MKRN1: variants seen among roughly 807,000 people sequenced by gnomAD.
The protein encoded by MKRN1 is makorin ring finger protein 1, also known as E3 ubiquitin-protein ligase makorin-1.
MKRN1 carries 9 observed loss-of-function variants against 55.5 expected under a neutral mutation model. The ratio of observed to expected loss-of-function variants is 0.16; its 90% CI spans 0.10 to 0.28. MKRN1 has a LOEUF of 0.28. MKRN1 is among the 10% of genes least tolerant of loss of function. MKRN1 has a pLI of 1.00. For synonymous variants in MKRN1, 253 were observed against 235.9 expected (o/e 1.07, Z -0.66); for missense variants, 488 against 626.7 (o/e 0.78, Z 2.36).
At chr7:140,460,122 C>G (rs1215913060) in intron 2 of MKRN1, 186 bp from the exon 3 acceptor site, 2 of 606,506 alleles carry the variant, frequency 3.3e-6, no homozygotes, top group Non-Finnish European at 5.9e-6. Flanking sequence ...GGTGGCGCAC[C>G]TGTAATCCCA....
In MKRN1 at chr7:140,453,392, T is replaced by G. The variant is rs189288235; in HGVS notation, c.*1125A>C. The G allele has an allele frequency of 5.0e-4, 76 of 152,718 alleles. No individual in the cohort carries two copies. Among genetic ancestry groups the G allele is most frequent in the African/African-American group, 1.8e-3 (73 of 41,558 alleles). 9.5% of individuals were successfully genotyped at this position (152,718 alleles called of 1,614,324 possible). ...CAATAAACACCTTAGAACAGAGTTT[T>G]GAATCACGTCTGTCTACCTGAAAGC... On this transcript the variant is annotated 3_prime_UTR_variant, in exon 8 of 8. Coordinates refer to ENST00000255977, the MANE Select transcript of MKRN1 (RefSeq NM_013446.4).
intron 1 of MKRN1, chr7:140,478,884 G>A (rs1040809206): frequency 6.9e-6 from 2 of 291,070 alleles, no homozygotes; most frequent in Non-Finnish European, 1.3e-5. Flanking sequence ...TCAGGGAAGT[G>A]TAAGCGGCGG....
Position 140,454,217 on chromosome 7 carries a change from A to T in MKRN1, c.*300T>A. On this transcript the variant is annotated 3_prime_UTR_variant, in exon 8 of 8. Coordinates refer to ENST00000255977, the MANE Select transcript of MKRN1 (RefSeq NM_013446.4). Reference sequence around the variant, plus strand: ...CAAAATGAGTGTGTGAAAAGTCCATAAATGCAATCTGGTTGAAAACAGATG... The same window carrying T: ...CAAAATGAGTGTGTGAAAAGTCCATTAATGCAATCTGGTTGAAAACAGATG... 1 of 382,304 alleles carries T rather than the reference A, an allele frequency of 2.6e-6. No individual in the cohort carries two copies. Among genetic ancestry groups the T allele is most frequent in the Non-Finnish European group, 5.0e-6 (1 of 201,082 alleles). The allele number at this position is 382,304 out of a possible 1,614,324, so 23.7% of individuals were successfully genotyped here. A position where few individuals can be genotyped will look rare whatever the true frequency, so the allele number is the denominator to read the frequency against.
intron 6 of MKRN1, chr7:140,455,447 T>TA: frequency 1.7e-6 from 1 of 603,318 alleles, no homozygotes; most frequent in Non-Finnish European, 2.9e-6. Context: ...TTAATAGCTC[T>TA]AGTACAAGCA....
Position 140,454,642 on chromosome 7 carries a change from A to C in MKRN1, c.1324T>G (p.Phe442Val), listed in dbSNP as rs1794416075. The change falls in exon 8 of 8, where the codon TTT becomes GTT. Residue 442 changes from phenylalanine to valine, a missense_variant. By Grantham distance (50) the Phe-to-Val change is conservative (BLOSUM62 -1). This residue lies in a region of MKRN1 where 278 missense variants were observed against 406.7 expected (regional missense o/e 0.68). Transcript: ENST00000255977. ...ATAAGCAACATCTCGCCCAGCTCAAAGGTGACAACCTCTTCTTCATCGTTG... is the reference window on the plus strand; with the variant it reads ...ATAAGCAACATCTCGCCCAGCTCAACGGTGACAACCTCTTCTTCATCGTTG... ...FDNDEEEVVT[F>V]ELGEMLLMLL... 6.2e-7 allele frequency: 1 copy of C among 1,613,860 alleles called. No homozygotes were observed. Among genetic ancestry groups the C allele is most frequent in the Admixed American group, 1.7e-5 (1 of 59,988 alleles).
intron 1 of MKRN1, among the ~76,000 whole-genome samples, chr7:140,474,065 G>GAAAGAAAA (rs1048242237): frequency 1.5e-4 from 21 of 139,360 alleles, no homozygotes; most frequent in Non-Finnish European, 2.6e-4. Flanking sequence ...AAGAAAGAAA[G>GAAAGAAAA]AATAAAAGAC....
At chr7:140,474,445 G>T in intron 1 of MKRN1, 1 of 356,676 alleles carries the variant, frequency 2.8e-6, no homozygotes, top group Non-Finnish European at 5.8e-6. Context: ...GTTGGGGGGG[G>T]CCCAGAGGTT....
In MKRN1 at chr7:140,469,186, C is replaced by T. The variant is rs966829206; in HGVS notation, c.314+2697G>A. ...CTAAAAATACAAAAAATTAGCCAGG[C>T]GTGGTGGCGGGCGCCTGTAGTCCCA... On this transcript the variant is annotated intron_variant, in intron 2 of 7. Coordinates refer to ENST00000255977, the MANE Select transcript of MKRN1 (RefSeq NM_013446.4). Among the ~76,000 whole-genome samples the T allele has an allele frequency of 1.6e-4, 24 of 151,980 alleles. 1 individual carries two copies. Among genetic ancestry groups the T allele is most frequent in the African/African-American group, 5.1e-4 (21 of 41,462 alleles).
intron 1 of MKRN1, among the ~76,000 whole-genome samples, chr7:140,472,722 C>T (rs2130348966): frequency 6.6e-6 from 1 of 151,314 alleles, no homozygotes; most frequent in South Asian, 2.1e-4. Context: ...ACTATTTTGA[C>T]ATTCCAGCCT....
At chr7:140,465,989 C>T (rs780805030) in intron 2 of MKRN1, among the ~76,000 whole-genome samples, 71 of 151,886 alleles carry the variant, frequency 4.7e-4, no homozygotes, top group Non-Finnish European at 8.1e-4. Flanking sequence ...GCTGAGGCAC[C>T]GGAATCGCTT....
At chr7:140,456,521 C>A (rs1794470721) in intron 5 of MKRN1, 131 bp downstream of exon 5, 1 of 1,463,602 alleles carries the variant, frequency 6.8e-7, no homozygotes. Context: ...AAGAAATCCC[C>A]ATTAGAATAT....
chr7:140,463,412 C>T (rs1585475573), intron 2 of MKRN1, among the ~76,000 whole-genome samples: 1 of 152,196 alleles, frequency 6.6e-6, no homozygotes, highest in South Asian at 2.1e-4. Context: ...ACTCTTCAGA[C>T]TTACATACAA....
chr7:140,468,330 A>T (rs1794828204), intron 2 of MKRN1, among the ~76,000 whole-genome samples: 1 of 152,092 alleles, frequency 6.6e-6, no homozygotes, highest in Non-Finnish European at 1.5e-5. Flanking sequence ...CTATACCACT[A>T]CAAAGATTCG....
At chr7:140,462,293 T>C (rs1306011571) in intron 2 of MKRN1, among the ~76,000 whole-genome samples, 3 of 152,184 alleles carry the variant, frequency 2.0e-5, no homozygotes, top group African/African-American at 7.2e-5. Flanking sequence ...CCTCCCAAAG[T>C]GATAGGCATG....
intron 2 of MKRN1, among the ~76,000 whole-genome samples, chr7:140,463,312 A>G (rs946205910): frequency 6.6e-6 from 1 of 152,144 alleles, no homozygotes; most frequent in African/African-American, 2.4e-5. Context: ...TTTAGAGATG[A>G]CCTCACTGTC....
intron 1 of MKRN1, among the ~76,000 whole-genome samples, chr7:140,472,710 G>A (rs1054581244): frequency 4.0e-5 from 6 of 151,190 alleles, no homozygotes; most frequent in African/African-American, 1.5e-4. Flanking sequence ...TTGTTACAAC[G>A]AACTATTTTG....
chr7:140,455,426 G>C, intron 6 of MKRN1, 193 bp from the exon 7 acceptor site: 1 of 659,348 alleles, frequency 1.5e-6, no homozygotes, highest in Non-Finnish European at 2.5e-6. Flanking sequence ...CTCTGTTCAA[G>C]TCTATGCTGG....
chr7:140,468,110 C>T (rs1223806618), intron 2 of MKRN1, among the ~76,000 whole-genome samples: 1 of 151,540 alleles, frequency 6.6e-6, no homozygotes, highest in Non-Finnish European at 1.5e-5. Flanking sequence ...AGCACTTCTT[C>T]TGAAATAAGG....
In MKRN1 at chr7:140,456,740, C is replaced by T. The variant is rs771701754; in HGVS notation, c.898G>A (p.Gly300Arg). 2 of 1,614,012 alleles carry T rather than the reference C, an allele frequency of 1.2e-6. No homozygotes were observed. The highest frequency in any genetic ancestry group is 1.7e-6 in the Non-Finnish European group (2 of 1,179,954). ...EKANPSERRF[G>R]ILSNCNHTYC... is the part of the protein sequence containing the mutation. Reference sequence around the variant, plus strand: ...GTGTGGTTGCAGTTGGAGAGGATCCCGAAGCGGCGCTCACTGGGGTTGGCT... The same window carrying T: ...GTGTGGTTGCAGTTGGAGAGGATCCTGAAGCGGCGCTCACTGGGGTTGGCT... The change falls in exon 5 of 8, where the codon GGG becomes AGG. Residue 300 changes from glycine (G) to arginine (R), a missense_variant. By Grantham distance (125) the Gly-to-Arg change is moderately radical (BLOSUM62 -2). Coordinates refer to ENST00000255977, the MANE Select transcript of MKRN1 (RefSeq NM_013446.4).
Sources: allele counts gnomAD v4.1 joint callset (sites outside exome capture counted in the v4.1 genomes callset), GRCh38; gene constraint gnomAD v4.1.1; regional missense constraint gnomAD v4.1.1; transcripts MANE v1.5; gene names NCBI Gene and HGNC (gene_info 2026-07-23, HGNC 2026-07-21).